The following ATP6V1H variants were observed in gnomAD, a reference collection of about 807,000 sequenced individuals.
ATP6V1H encodes V-type proton ATPase subunit H.
A neutral mutation model predicts 71.7 loss-of-function variants in ATP6V1H; 39 were observed. The ratio of observed to expected loss-of-function variants is 0.54; its 90% CI spans 0.42 to 0.71. ATP6V1H has a LOEUF of 0.71. Ranked by LOEUF, ATP6V1H falls within the 30% of genes least tolerant of loss-of-function variation. The pLI, the probability that ATP6V1H is intolerant of heterozygous loss-of-function variation, is 0.00. For synonymous variants in ATP6V1H, 192 were observed against 199.3 expected (o/e 0.96, Z 0.31); for missense variants, 509 against 594.9 (o/e 0.86, Z 1.50).
At chr8:53,825,532 A>T (rs561842118) in intron 4 of ATP6V1H, among the ~76,000 whole-genome samples, 7 of 152,288 alleles carry the variant, frequency 4.6e-5, no homozygotes, top group Admixed American at 2.0e-4. Context: ...TCTATCATTA[A>T]ACTGGGTGGT....
In ATP6V1H at chr8:53,775,168, C is replaced by T. The variant is rs1009302527; in HGVS notation, c.871-3001G>A. Among the ~76,000 whole-genome samples, 5 of 151,990 alleles carry T rather than the reference C, an allele frequency of 3.3e-5. No individual in the cohort carries two copies. The South Asian group carries it at 1.0e-3, about 32-fold the overall frequency. On this transcript the variant is annotated intron_variant, in intron 9 of 13. Transcript: ENST00000359530. ...CTGCAGACCTTCGCGGTGAGTGTTA[C>T]GGCTCTTAAGGCGGCGCATGTGGAG...
intron 4 of ATP6V1H, among the ~76,000 whole-genome samples, chr8:53,821,073 A>T (rs1585826143): frequency 6.7e-6 from 1 of 149,810 alleles, no homozygotes; most frequent in African/African-American, 2.5e-5. Flanking sequence ...CACCAGAAAA[A>T]AAAAAAAGAG....
At chr8:53,810,065 A>T (rs1810223514) in intron 7 of ATP6V1H, among the ~76,000 whole-genome samples, 1 of 152,204 alleles carries the variant, frequency 6.6e-6, no homozygotes, top group South Asian at 2.1e-4. Flanking sequence ...ATTCATTCAG[A>T]TTATGGGAGT....
intron 13 of ATP6V1H, among the ~76,000 whole-genome samples, chr8:53,730,769 C>T (rs1169736471): frequency 6.6e-6 from 1 of 152,120 alleles, no homozygotes; most frequent in Non-Finnish European, 1.5e-5. Flanking sequence ...AATTAAAAAA[C>T]TCAAAAACAA....
intron 9 of ATP6V1H, among the ~76,000 whole-genome samples, chr8:53,789,428 T>C (rs959486861): frequency 1.3e-5 from 2 of 152,108 alleles, no homozygotes; most frequent in Non-Finnish European, 1.5e-5. Context: ...ATCCCAGCAC[T>C]TTGGGAGGCC....
At position 53,814,785 on chromosome 8, in the gene ATP6V1H, T is replaced by A. The variant is rs1365531042; in HGVS notation, c.421-19A>T. On this transcript the variant is annotated intron_variant, in intron 5 of 13. Coordinates refer to ENST00000359530, the MANE Select transcript of ATP6V1H (RefSeq NM_015941.4). The stretch of plus-strand genomic sequence containing the variant: ...TTGCTGCCTGAAAACAAATAAGAGA[T>A]ACATTTAACGCAACATTAATTCTAA... 1 of 1,523,800 alleles carries A rather than the reference T, an allele frequency of 6.6e-7. No homozygotes were observed. The highest frequency in any genetic ancestry group is 9.1e-7 in the Non-Finnish European group (1 of 1,101,248). 94.4% of individuals were successfully genotyped at this position (1,523,800 alleles called of 1,614,324 possible). A position where few individuals can be genotyped will look rare whatever the true frequency, so the allele number is the denominator to read the frequency against.
intron 9 of ATP6V1H, among the ~76,000 whole-genome samples, chr8:53,791,419 T>C (rs1434602635): frequency 6.6e-6 from 1 of 152,176 alleles, no homozygotes. Flanking sequence ...AAAAGATCCA[T>C]TCACAGAACA....
intron 9 of ATP6V1H, among the ~76,000 whole-genome samples, chr8:53,776,239 G>A (rs960448069): frequency 6.6e-6 from 1 of 152,184 alleles, no homozygotes; most frequent in East Asian, 1.9e-4. Flanking sequence ...CAGCTGGCCC[G>A]CAAGCGCCGC....
intron 13 of ATP6V1H, among the ~76,000 whole-genome samples, chr8:53,738,253 C>T (rs1006130439): frequency 9.9e-5 from 15 of 150,856 alleles, no homozygotes; most frequent in African/African-American, 2.9e-4. Flanking sequence ...GCCAAGATCA[C>T]GCCACTGCAT....
intron 7 of ATP6V1H, among the ~76,000 whole-genome samples, chr8:53,808,372 G>A (rs1810159987): frequency 6.6e-6 from 1 of 152,182 alleles, no homozygotes; most frequent in African/African-American, 2.4e-5. Context: ...AAACAACTCA[G>A]ACAGTCTAAA....
chr8:53,833,076 T>C lies in ATP6V1H; in HGVS notation c.124A>G (p.Ile42Val). The C allele has an allele frequency of 1.9e-6, 3 of 1,612,764 alleles. No individual in the cohort carries two copies. Among genetic ancestry groups the C allele is most frequent in the Non-Finnish European group, 2.5e-6 (3 of 1,178,976 alleles). The change falls in exon 3 of 14, where the codon ATT becomes GTT. Residue 42 changes from isoleucine to valine, a missense_variant. Physicochemically the swap from Ile to Val is conservative, Grantham distance 29. Transcript: ENST00000359530. ...ATAAACTCACAATCTTCAGCAGAAA[T>C]CATCTGTCCCCTAGAAAGTAAGAAT... Reference protein sequence around the residue: ...NWQSYLQGQMISAEDCEFIQR... With the variant: ...NWQSYLQGQMVSAEDCEFIQR...
intron 4 of ATP6V1H, among the ~76,000 whole-genome samples, chr8:53,823,031 G>A (rs1239364529): frequency 6.6e-6 from 1 of 151,668 alleles, no homozygotes; most frequent in Non-Finnish European, 1.5e-5. Flanking sequence ...CATTTATAAG[G>A]GGGAGACGTT....
chr8:53,774,101 T>C (rs755478842), intron 9 of ATP6V1H, among the ~76,000 whole-genome samples: 2 of 152,306 alleles, frequency 1.3e-5, no homozygotes, highest in East Asian at 3.9e-4. Flanking sequence ...ATGGGGCTGA[T>C]ATTTTATTTG....
At chr8:53,754,059 C>T (rs896645353) in intron 12 of ATP6V1H, among the ~76,000 whole-genome samples, 3 of 152,120 alleles carry the variant, frequency 2.0e-5, no homozygotes, top group Non-Finnish European at 2.9e-5. Context: ...CTGCACACTG[C>T]GCATAAGAGG....
intron 13 of ATP6V1H, among the ~76,000 whole-genome samples, chr8:53,722,273 C>T (rs931290949): frequency 1.3e-5 from 2 of 152,170 alleles, no homozygotes; most frequent in South Asian, 2.1e-4. Flanking sequence ...GGGCAGGCAA[C>T]GCACTGAGCC....
chr8:53,829,412 C>A, intron 4 of ATP6V1H, 32 bp downstream of exon 4: 2 of 1,484,876 alleles, frequency 1.3e-6, no homozygotes, highest in South Asian at 2.3e-5. Flanking sequence ...AAAATGAAGT[C>A]ACCAAATGTG....
chr8:53,754,395 A>G (rs1807917612), intron 12 of ATP6V1H, among the ~76,000 whole-genome samples: 1 of 152,166 alleles, frequency 6.6e-6, no homozygotes, highest in Non-Finnish European at 1.5e-5. Flanking sequence ...TTAGTTTTAT[A>G]TGCCATTTCA....
intron 11 of ATP6V1H, among the ~76,000 whole-genome samples, chr8:53,769,155 C>G (rs1808566841): frequency 6.6e-6 from 1 of 152,086 alleles, no homozygotes; most frequent in Admixed American, 6.5e-5. Flanking sequence ...AATAAAGCTT[C>G]TAGGAGATAT....
chr8:53,756,979 T>C (rs1398146343), intron 11 of ATP6V1H, among the ~76,000 whole-genome samples: 1 of 152,238 alleles, frequency 6.6e-6, no homozygotes, highest in East Asian at 1.9e-4. Flanking sequence ...TATATTTTCA[T>C]AAGCCATTTA....
Sources: gnomAD v4.1 joint callset for allele counts (sites outside exome capture counted in the v4.1 genomes callset) on GRCh38, gnomAD v4.1.1 for gene constraint, MANE v1.5 for transcripts, NCBI Gene and HGNC (gene_info 2026-07-23, HGNC 2026-07-21) for gene names.